SEL1L2: variants seen among roughly 807,000 people sequenced by gnomAD.
The protein encoded by SEL1L2 is SEL1L2 adaptor subunit of SYVN1 ubiquitin ligase.
A neutral mutation model predicts 98.8 loss-of-function variants in SEL1L2; 89 were observed. The observed-to-expected ratio is 0.90, with a 90% CI of 0.76 to 1.07. SEL1L2 has a LOEUF of 1.07. Among genes scored for constraint, SEL1L2 ranks in the 50% least tolerant of loss-of-function variants. The pLI is 0.00. For missense variants in SEL1L2, 788 were observed against 812.0 expected (o/e 0.97, Z 0.36); for synonymous variants, 262 against 278.5 (o/e 0.94, Z 0.59).
chr20:13,992,660 T>C (rs1224842115), upstream of SEL1L2, among the ~76,000 whole-genome samples: 1 of 152,128 alleles, frequency 6.6e-6, no homozygotes, highest in Non-Finnish European at 1.5e-5. Flanking sequence ...TTAATTGTTA[T>C]AAAAAGACTG....
intron 3 of SEL1L2, among the ~76,000 whole-genome samples, chr20:13,925,905 T>C (rs2048870153): frequency 6.6e-6 from 1 of 152,238 alleles, no homozygotes; most frequent in Non-Finnish European, 1.5e-5. Context: ...TCAGTTAACT[T>C]ACATAAAACT....
At chr20:13,889,279 C>A (rs931581918) in intron 5 of SEL1L2, among the ~76,000 whole-genome samples, 2 of 152,062 alleles carry the variant, frequency 1.3e-5, no homozygotes, top group African/African-American at 4.8e-5. Context: ...AGCCACCACG[C>A]CTGGCCATTG....
chr20:13,869,546 T>C lies in SEL1L2; in HGVS notation c.1212A>G (p.Lys404=). Reference sequence around the variant, plus strand: ...ACTGGAACTGTGCGTCGGGCCACCCTTTTTCCGCAGCTTTCTGAAAGTATT... The same window carrying C: ...ACTGGAACTGTGCGTCGGGCCACCCCTTTTCCGCAGCTTTCTGAAAGTATT... ...ALKYFQKAAE[K]GWPDAQFQLG... Residue 404 remains lysine, a synonymous_variant, in exon 14 of 20, where the codon AAA becomes AAG. Transcript: ENST00000284951. The C allele has an allele frequency of 6.2e-7, 1 of 1,612,424 alleles. No individual in the cohort carries two copies. The highest frequency in any genetic ancestry group is 1.1e-5 in the South Asian group (1 of 91,038).
intron 2 of SEL1L2, among the ~76,000 whole-genome samples, chr20:13,947,911 G>T (rs902095230): frequency 6.6e-6 from 1 of 152,238 alleles, no homozygotes; most frequent in Non-Finnish European, 1.5e-5. Context: ...TGTGCACAGT[G>T]ACTGGACCCC....
At chr20:13,911,782 A>C (rs77893168) in intron 5 of SEL1L2, among the ~76,000 whole-genome samples, 1,608 of 152,276 alleles carry the variant, frequency 0.011, 32 homozygotes, top group African/African-American at 0.037. Flanking sequence ...GTAAAAAAAT[A>C]ATTCTATGGA....
At chr20:13,886,267 A>G (rs1490310190) in intron 9 of SEL1L2, 21 bp downstream of exon 9, 1 of 1,564,874 alleles carries the variant, frequency 6.4e-7, no homozygotes, top group Non-Finnish European at 8.7e-7. Context: ...CTAAAAACTC[A>G]ATCTCATCTG....
chr20:13,876,301 T>C (rs1256601815), intron 11 of SEL1L2, among the ~76,000 whole-genome samples, 186 bp from the exon 12 acceptor site: 1 of 152,110 alleles, frequency 6.6e-6, no homozygotes, highest in Admixed American at 6.6e-5. Flanking sequence ...TTTACCTCAA[T>C]TTAAAACAAG....
At chr20:13,944,770 A>T (rs2049936661) in intron 2 of SEL1L2, among the ~76,000 whole-genome samples, 1 of 152,250 alleles carries the variant, frequency 6.6e-6, no homozygotes, top group Admixed American at 6.5e-5. Flanking sequence ...AAAAATACAA[A>T]GCGTTTTGCT....
chr20:13,871,828 T>C (rs989895741), intron 12 of SEL1L2, among the ~76,000 whole-genome samples: 2 of 152,162 alleles, frequency 1.3e-5, no homozygotes, highest in African/African-American at 4.8e-5. Flanking sequence ...CTGACTTTGA[T>C]TCAGCAGATC....
intron 5 of SEL1L2, among the ~76,000 whole-genome samples, chr20:13,907,700 C>T (rs867137998): frequency 1.5e-4 from 19 of 125,654 alleles, no homozygotes; most frequent in East Asian, 4.6e-4. Flanking sequence ...TTCTTTCTTT[C>T]TCTTTCTTTC....
At chr20:13,966,377 G>A (rs2051042108) in intron 1 of SEL1L2, among the ~76,000 whole-genome samples, 1 of 151,884 alleles carries the variant, frequency 6.6e-6, no homozygotes, top group African/African-American at 2.4e-5. Flanking sequence ...GGAGTGCAAC[G>A]GCACAATCTC....
At chr20:13,896,449 G>A (rs1341943469) in intron 5 of SEL1L2, among the ~76,000 whole-genome samples, 1 of 151,612 alleles carries the variant, frequency 6.6e-6, no homozygotes, top group African/African-American at 2.4e-5. Context: ...CAGCCTGGGC[G>A]ACAGAGTGGG....
rs2046080777 is a variant in SEL1L2, at chr20:13,869,468, A to G, written c.1255+35T>C. 3.4e-6 allele frequency: 5 copies of G among 1,478,462 alleles called. 1 individual carries two copies. The highest frequency in any genetic ancestry group is 4.7e-6 in the Non-Finnish European group (5 of 1,056,508). The allele number at this position is 1,478,462 out of a possible 1,614,324, so 91.6% of individuals were successfully genotyped here. A position where few individuals can be genotyped will look rare whatever the true frequency, so the allele number is the denominator to read the frequency against. ...AAGCAGACTTAATAATGCATATGTC[A>G]TTCTAAATAAAGCAGCTGTATTTGT... On this transcript the variant is annotated intron_variant, in intron 14 of 19. Coordinates refer to ENST00000284951, the MANE Select transcript of SEL1L2 (RefSeq NM_025229.2).
chr20:13,870,195 T>C lies in SEL1L2; in HGVS notation c.1113A>G (p.Ala371=). 6.2e-7 allele frequency: 1 copy of C among 1,610,860 alleles called. No homozygotes were observed. The highest frequency in any genetic ancestry group is 1.1e-5 in the South Asian group (1 of 90,588). ...YFSMAASKGN[A]IGLHGLGLLY... is the part of the protein sequence containing the mutation. ...GAAGACCAAGCCCATGAAGGCCGAT[T>C]GCATTGCCCTAGAAGAGTTTTATAA... Residue 371 remains alanine, a synonymous_variant, in exon 13 of 20, where the codon GCA becomes GCG. Coordinates refer to ENST00000284951, the MANE Select transcript of SEL1L2 (RefSeq NM_025229.2).
intron 3 of SEL1L2, among the ~76,000 whole-genome samples, chr20:13,923,259 A>T (rs992266977): frequency 2.0e-5 from 3 of 152,198 alleles, no homozygotes; most frequent in Admixed American, 1.3e-4. Context: ...TCAAATTTCC[A>T]TTCTAAGTTA....
At chr20:13,968,526 C>T (rs2051147454) in intron 1 of SEL1L2, among the ~76,000 whole-genome samples, 1 of 152,188 alleles carries the variant, frequency 6.6e-6, no homozygotes, top group Admixed American at 6.6e-5. Flanking sequence ...ACAATATTAA[C>T]TGATGGTTTT....
intron 5 of SEL1L2, among the ~76,000 whole-genome samples, chr20:13,906,205 T>C (rs1426050964): frequency 6.6e-6 from 1 of 152,168 alleles, no homozygotes; most frequent in African/African-American, 2.4e-5. Context: ...AACTTAACCA[T>C]TATGCTGTGT....
At chr20:13,907,734 C>CT (rs375273194) in intron 5 of SEL1L2, among the ~76,000 whole-genome samples, 257 of 109,414 alleles carry the variant, frequency 2.3e-3, no homozygotes, top group Non-Finnish European at 3.7e-3. Context: ...TTCTTTCTTT[C>CT]TTTCTTTCTT....
chr20:13,880,907 C>T (rs2046671269), intron 10 of SEL1L2, among the ~76,000 whole-genome samples: 3 of 152,072 alleles, frequency 2.0e-5, no homozygotes, highest in African/African-American at 7.2e-5. Context: ...AAAAAATGAT[C>T]ATGATTTTTC....
Sources: gnomAD v4.1 joint callset for allele counts (sites outside exome capture counted in the v4.1 genomes callset) on GRCh38, gnomAD v4.1.1 for gene constraint, MANE v1.5 for transcripts, NCBI Gene and HGNC (gene_info 2026-07-23, HGNC 2026-07-21) for gene names.